UTS2R: variants seen among roughly 807,000 people sequenced by gnomAD.
The protein encoded by UTS2R is urotensin 2 receptor.
For missense variants in UTS2R, 653 were observed against 562.2 expected, an observed-to-expected ratio of 1.16 and a Z score of -1.63; for synonymous variants, 335 against 280.9, an observed-to-expected ratio of 1.19 and a Z score of -1.93.
intron 2 of UTS2R, among the ~76,000 whole-genome samples, chr17:82,373,874 A>C (rs2052466340): frequency 6.6e-6 from 1 of 152,252 alleles, no homozygotes; most frequent in Admixed American, 6.5e-5. Flanking sequence ...CTGTGCACAG[A>C]CAAGAAAGTG....
In UTS2R at chr17:82,374,260, C is replaced by T; in HGVS notation, c.-65C>T. ...CCCCACAGGCTGAGCTGGTTGCCCA[C>T]AGGGGCCCCCGCCCCATCTCAGGGA... On this transcript the variant is annotated 5_prime_UTR_variant, in exon 3 of 3. Coordinates refer to ENST00000313135, the MANE Select transcript of UTS2R (RefSeq NM_018949.3). 1 of 1,346,472 alleles carries T rather than the reference C, an allele frequency of 7.4e-7. No individual in the cohort carries two copies. Among genetic ancestry groups the T allele is most frequent in the Non-Finnish European group, 9.9e-7 (1 of 1,012,180 alleles). 83.4% of individuals were successfully genotyped at this position (1,346,472 alleles called of 1,614,324 possible). A position where few individuals can be genotyped will look rare whatever the true frequency, so the allele number is the denominator to read the frequency against.
In UTS2R at chr17:82,374,523, G is replaced by T; in HGVS notation, c.199G>T (p.Val67Leu). The change falls in exon 3 of 3, where the codon GTG becomes TTG. Residue 67 changes from valine to leucine, a missense_variant. Physicochemically the swap from Val to Leu is conservative, Grantham distance 32. Transcript: ENST00000313135. ...GTCGGCCATGGGCGTGGTGGGCGTG[G>T]TGGGCAACGCCTACACGCTGGTGGT... ...LLSAMGVVGV[V>L]GNAYTLVVTC... 6.3e-7 allele frequency: 1 copy of T among 1,583,064 alleles called. No homozygotes were observed. The highest frequency in any genetic ancestry group is 8.6e-7 in the Non-Finnish European group (1 of 1,165,434).
At chr17:82,372,423 C>T (rs1357734232) in intron 1 of UTS2R, among the ~76,000 whole-genome samples, 175 bp from the exon 2 acceptor site, 2 of 152,234 alleles carry the variant, frequency 1.3e-5, no homozygotes, top group African/African-American at 2.4e-5. Context: ...GCTGCTCGGC[C>T]TGGTGGGAAA....
intron 2 of UTS2R, among the ~76,000 whole-genome samples, chr17:82,372,995 C>T (rs1483823859): frequency 6.6e-6 from 1 of 152,180 alleles, no homozygotes; most frequent in Non-Finnish European, 1.5e-5. Flanking sequence ...CTCCTGTGGC[C>T]CTGACTGGCA....
At chr17:82,373,962 C>G (rs1231212080) in intron 2 of UTS2R, among the ~76,000 whole-genome samples, 1 of 152,004 alleles carries the variant, frequency 6.6e-6, no homozygotes. Flanking sequence ...AGGGGCTGCC[C>G]TCCTGTGTTC....
Position 82,375,418 on chromosome 17 carries a change from A to AG in UTS2R, c.1095dup (p.Pro366AlafsTer3). 1 of 1,575,106 alleles carries AG rather than the reference A, an allele frequency of 6.3e-7. No homozygotes were observed. Among genetic ancestry groups the AG allele is most frequent in the Admixed American group, 1.7e-5 (1 of 57,330 alleles). Reference sequence around the variant, plus strand: ...CGCTCCCTGTCTTCCTGCAGCCCACAGCCCACTGACAGCCTCGTGCTGGCC... The same window carrying AG: ...CGCTCCCTGTCTTCCTGCAGCCCACAGGCCCACTGACAGCCTCGTGCTGGCC... On this transcript the variant is annotated frameshift_variant, in exon 3 of 3. Transcript: ENST00000313135. LOFTEE classifies it low-confidence loss of function (END_TRUNC).
chr17:82,375,997 T>C lies in UTS2R; in HGVS notation c.*503T>C, dbSNP rs547190390. On this transcript the variant is annotated 3_prime_UTR_variant, in exon 3 of 3. Coordinates refer to ENST00000313135, the MANE Select transcript of UTS2R (RefSeq NM_018949.3). ...GACAACGGCAGCTCAAGGGGGAGCC[T>C]GTGGGTCTGGCTGGGGTAGAGGGTG... 6.6e-6 allele frequency among the ~76,000 whole-genome samples: 1 copy of C among 152,296 alleles called. No homozygotes were observed. Among genetic ancestry groups the C allele is most frequent in the South Asian group, 2.1e-4 (1 of 4,826 alleles).
Position 82,375,020 on chromosome 17 carries a change from G to T in UTS2R, c.696G>T (p.Ala232=). 2.2e-6 allele frequency: 3 copies of T among 1,360,378 alleles called. No homozygotes were observed. Among genetic ancestry groups the T allele is most frequent in the South Asian group, 1.4e-5 (1 of 73,700 alleles). 84.3% of individuals were successfully genotyped at this position (1,360,378 alleles called of 1,614,324 possible). A position where few individuals can be genotyped will look rare whatever the true frequency, so the allele number is the denominator to read the frequency against. Residue 232 remains alanine, a synonymous_variant, in exon 3 of 3, where the codon GCG becomes GCT. Coordinates refer to ENST00000313135, the MANE Select transcript of UTS2R (RefSeq NM_018949.3). The stretch of plus-strand genomic sequence containing the variant: ...GGCTGCTCATCGGGCTGCTCTACGC[G>T]CGCCTGGCCCGCGCCTACCGCCGCT... ...GPGLLIGLLY[A]RLARAYRRSQ...
chr17:82,376,685 G>A lies in UTS2R; in HGVS notation c.*1191G>A, dbSNP rs1174613020. ...TGGAACTAGACGCTGGTGACTGGGC[G>A]ATGCTGTGAACGAGCCAGTGCCACA... On this transcript the variant is annotated 3_prime_UTR_variant, in exon 3 of 3. Coordinates refer to ENST00000313135, the MANE Select transcript of UTS2R (RefSeq NM_018949.3). Among the ~76,000 whole-genome samples the A allele has an allele frequency of 1.3e-5, 2 of 152,278 alleles. No homozygotes were observed. The highest frequency in any genetic ancestry group is 6.5e-5 in the Admixed American group (1 of 15,294).
In UTS2R at chr17:82,374,943, G is replaced by T. The variant is rs764827529; in HGVS notation, c.619G>T (p.Ala207Ser). ...SLCLPAWGPR[A>S]HRAYLTLLFA... ...GTGCCTGCCCGCCTGGGGCCCGCGC[G>T]CCCACCGCGCCTACCTGACGCTGCT... The change falls in exon 3 of 3, where the codon GCC (alanine) becomes TCC (serine). Residue 207 changes from alanine to serine, a missense_variant. Ala to Ser is a moderately conservative substitution (Grantham distance 99). Coordinates refer to ENST00000313135, the MANE Select transcript of UTS2R (RefSeq NM_018949.3). 23 of 1,087,128 alleles carry T rather than the reference G, an allele frequency of 2.1e-5. No homozygotes were observed. The highest frequency in any genetic ancestry group is 2.8e-5 in the Non-Finnish European group (21 of 751,488). 67.3% of individuals were successfully genotyped at this position (1,087,128 alleles called of 1,614,324 possible). A position where few individuals can be genotyped will look rare whatever the true frequency, so the allele number is the denominator to read the frequency against.
rs970334998 is a variant in UTS2R, at chr17:82,377,170, A to T, written c.*1676A>T. On this transcript the variant is annotated 3_prime_UTR_variant, in exon 3 of 3. Transcript: ENST00000313135. ...CTGTTGATCTATGACCTTACCCCCA[A>T]CCCTGTGCTCTCTGAAACATGTGCT... 1.3e-5 allele frequency among the ~76,000 whole-genome samples: 2 copies of T among 151,882 alleles called. No individual in the cohort carries two copies. The highest frequency in any genetic ancestry group is 4.8e-5 in the African/African-American group (2 of 41,302).
chr17:82,373,399 T>C (rs1314005343), intron 2 of UTS2R, among the ~76,000 whole-genome samples: 2 of 152,160 alleles, frequency 1.3e-5, no homozygotes, highest in Non-Finnish European at 2.9e-5. Flanking sequence ...TGACCTCAGG[T>C]GATCCACTTG....
Position 82,375,204 on chromosome 17 carries a change from C to T in UTS2R, c.880C>T (p.Arg294Cys), listed in dbSNP as rs1218309356. The change falls in exon 3 of 3, where the codon CGC becomes TGC. Residue 294 changes from arginine (R) to cysteine (C), a missense_variant. Transcript: ENST00000313135. ...GGCCCCGCTGGCGCCGCGGACGGCG[C>T]GCATCGTCAACTACCTGACCACCTG... Reference protein sequence around the residue: ...HQAPLAPRTARIVNYLTTCLT... With the variant: ...HQAPLAPRTACIVNYLTTCLT... The T allele has an allele frequency of 1.3e-6, 2 of 1,568,152 alleles. No individual in the cohort carries two copies. The highest frequency in any genetic ancestry group is 8.6e-7 in the Non-Finnish European group (1 of 1,158,812).
At position 82,375,532 on chromosome 17, in the gene UTS2R, GCC is replaced by G; in HGVS notation, c.*41_*42del. On this transcript the variant is annotated 3_prime_UTR_variant, in exon 3 of 3. Coordinates refer to ENST00000313135, the MANE Select transcript of UTS2R (RefSeq NM_018949.3). ...GCGGCTGGAGTCCAGGCGGGGACGC[GCC>G]CCAAAGCCCCAGCCACTCCCGGGAG... 1.2e-6 allele frequency: 1 copy of G among 825,496 alleles called. No homozygotes were observed. The highest frequency in any genetic ancestry group is 1.8e-6 in the Non-Finnish European group (1 of 569,196). The allele number at this position is 825,496 out of a possible 1,614,324, so 51.1% of individuals were successfully genotyped here.
At position 82,371,785 on chromosome 17, in the gene UTS2R, G is replaced by C. The variant is rs1228645033; in HGVS notation, c.-531G>C. 2.0e-5 allele frequency among the ~76,000 whole-genome samples: 3 copies of C among 151,246 alleles called. No individual in the cohort carries two copies. Among genetic ancestry groups the C allele is most frequent in the Non-Finnish European group, 4.4e-5 (3 of 67,798 alleles). On this transcript the variant is annotated 5_prime_UTR_variant, in exon 1 of 3. Coordinates refer to ENST00000313135, the MANE Select transcript of UTS2R (RefSeq NM_018949.3). The surrounding 1 kb of genome is among the most constrained non-coding windows in gnomAD (Gnocchi z 6.3). ...GCGGCGCATTCCCAGCTGGCGGCGG[G>C]CAGGTGGCGGCGGCGCAGAGACCCG...
rs1166687123 is a variant in UTS2R at position 82,375,322 on chromosome 17, CG to C, written c.1001del (p.Gly334AlafsTer118). The C allele has an allele frequency of 7.8e-6, 12 of 1,546,068 alleles. No homozygotes were observed. Among genetic ancestry groups the C allele is most frequent in the South Asian group, 2.4e-5 (2 of 83,406 alleles). ...CACCTGCGCGGCCGCGTGCGGGGCC[CG>C]GGCAGCGGGGGAGGCCGGGGGCCCG... ...RDHLRGRVRG[P>X]GSGGGRGPVP... On this transcript the variant is annotated frameshift_variant, in exon 3 of 3. Transcript: ENST00000313135. LOFTEE classifies it low-confidence loss of function (END_TRUNC).
rs1414702265 is a variant in UTS2R, at chr17:82,374,082, T to A, written c.-82-161T>A. 3 of 498,006 alleles carry A rather than the reference T, an allele frequency of 6.0e-6. No homozygotes were observed. The East Asian group carries it at 9.4e-5, about 16-fold the overall frequency. 30.8% of individuals were successfully genotyped at this position (498,006 alleles called of 1,614,324 possible). On this transcript the variant is annotated intron_variant, in intron 2 of 2. Transcript: ENST00000313135. ...GGTCGGGGAGGGGGGTTGGGGCAGC[T>A]CGTCTGGTGGCTCTTGAGTCCTCCT...
rs1015373123 is a variant in UTS2R at position 82,377,356 on chromosome 17, A to G, written c.*1862A>G. Reference sequence around the variant, plus strand: ...AGGCCGCAGGGTCCTCTGCCTAGGAAAACCAGAGACCTTTGTTCACTTGTT... The same window carrying G: ...AGGCCGCAGGGTCCTCTGCCTAGGAGAACCAGAGACCTTTGTTCACTTGTT... On this transcript the variant is annotated 3_prime_UTR_variant, in exon 3 of 3. Coordinates refer to ENST00000313135, the MANE Select transcript of UTS2R (RefSeq NM_018949.3). Among the ~76,000 whole-genome samples, 1 of 151,804 alleles carries G rather than the reference A, an allele frequency of 6.6e-6. No individual in the cohort carries two copies. The highest frequency in any genetic ancestry group is 1.5e-5 in the Non-Finnish European group (1 of 67,922).
intron 2 of UTS2R, among the ~76,000 whole-genome samples, chr17:82,373,974 G>A (rs1000568351): frequency 2.6e-5 from 4 of 151,998 alleles, no homozygotes; most frequent in African/African-American, 7.2e-5. Flanking sequence ...CCTGTGTTCC[G>A]GCTTTCAGAA....
Sources: gnomAD v4.1 joint callset for allele counts (sites outside exome capture counted in the v4.1 genomes callset) on GRCh38, gnomAD v4.1.1 for gene constraint, Gnocchi (gnomAD v3.1) non-coding constraint, MANE v1.5 for transcripts, NCBI Gene and HGNC (gene_info 2026-07-23, HGNC 2026-07-21) for gene names.